RALGAPA2: variants seen among roughly 807,000 people sequenced by gnomAD.
RALGAPA2 encodes ral GTPase-activating protein subunit alpha-2.
Under a neutral mutation model 230.4 loss-of-function variants are expected in RALGAPA2, and 139 were observed. The ratio of observed to expected loss-of-function variants is 0.60; its 90% CI spans 0.53 to 0.69. The LOEUF (loss-of-function observed/expected upper bound fraction) is 0.69. Among genes scored for constraint, RALGAPA2 ranks in the 30% least tolerant of loss-of-function variants. The probability of loss-of-function intolerance (pLI) is 0.00; values close to 1 mark genes in which losing one functional copy is unlikely to be tolerated. For synonymous variants in RALGAPA2, 847 were observed against 837.8 expected (o/e 1.01, Z -0.19); for missense variants, 2,163 against 2,276.0 (o/e 0.95, Z 1.01).
intron 37 of RALGAPA2, among the ~76,000 whole-genome samples, chr20:20,420,129 G>A (rs1338250904): frequency 6.6e-6 from 1 of 152,184 alleles, no homozygotes; most frequent in Non-Finnish European, 1.5e-5. Context: ...CACAGAGAAT[G>A]CCATGAGCGG....
At chr20:20,422,441 C>T (rs956885769) in intron 37 of RALGAPA2, among the ~76,000 whole-genome samples, 11 of 152,044 alleles carry the variant, frequency 7.2e-5, no homozygotes, top group Non-Finnish European at 1.5e-4. Context: ...TCTAATGGCA[C>T]GTGCCTGTGG....
At chr20:20,396,550 T>A in intron 39 of RALGAPA2, 145 bp downstream of exon 39, 1 of 687,442 alleles carries the variant, frequency 1.5e-6, no homozygotes, top group Non-Finnish European at 2.4e-6. Context: ...GGCAGGAGTG[T>A]GGGCAGGGCC....
intron 4 of RALGAPA2, among the ~76,000 whole-genome samples, chr20:20,648,596 C>T (rs1218358513): frequency 6.6e-6 from 1 of 151,474 alleles, no homozygotes; most frequent in Non-Finnish European, 1.5e-5. Context: ...GGTCAAAGAT[C>T]AGGAGAATGG....
chr20:20,611,831 A>T (rs2065984606), intron 13 of RALGAPA2, among the ~76,000 whole-genome samples: 1 of 152,196 alleles, frequency 6.6e-6, no homozygotes, highest in Non-Finnish European at 1.5e-5. Flanking sequence ...TCTCCCTCTC[A>T]TTGCAACAGG....
chr20:20,419,377 T>C (rs1453094303), intron 37 of RALGAPA2, among the ~76,000 whole-genome samples: 3 of 152,198 alleles, frequency 2.0e-5, no homozygotes, highest in Non-Finnish European at 4.4e-5. Context: ...AGTCGAAGGT[T>C]GATATAAAAG....
chr20:20,578,479 T>C (rs376049648), intron 20 of RALGAPA2, among the ~76,000 whole-genome samples: 1 of 152,280 alleles, frequency 6.6e-6, no homozygotes, highest in East Asian at 1.9e-4. Context: ...CTTACAAGCA[T>C]AATTGTATCA....
intron 16 of RALGAPA2, among the ~76,000 whole-genome samples, chr20:20,594,792 G>A (rs1413734391): frequency 4.1e-5 from 6 of 146,906 alleles, no homozygotes; most frequent in African/African-American, 1.5e-4. Flanking sequence ...ACAATGGCGT[G>A]ATCTTGACTC....
chr20:20,535,750 A>G lies in RALGAPA2; in HGVS notation c.3468T>C (p.Tyr1156=). Reference sequence around the variant, plus strand: ...ACCTCTTATTCAACATTTACCTTGCATATTCATTTGGTTCTTCTGTGGCAT... The same window carrying G: ...ACCTCTTATTCAACATTTACCTTGCGTATTCATTTGGTTCTTCTGTGGCAT... The part of the protein sequence containing the change: ...LKNATEEPNE[Y]ARCIAVCSLG... Residue 1156 remains tyrosine (Y), a synonymous_variant, in exon 26 of 40, where the codon TAT becomes TAC. Coordinates refer to ENST00000202677, the MANE Select transcript of RALGAPA2 (RefSeq NM_020343.4). The G allele has an allele frequency of 1.9e-6, 3 of 1,548,754 alleles. No homozygotes were observed. The highest frequency in any genetic ancestry group is 2.6e-6 in the Non-Finnish European group (3 of 1,145,686).
intron 37 of RALGAPA2, among the ~76,000 whole-genome samples, chr20:20,428,639 G>T (rs1223443359): frequency 6.6e-6 from 1 of 152,054 alleles, no homozygotes; most frequent in East Asian, 1.9e-4. Context: ...TCCCAAATGT[G>T]GTGGCCCATC....
At chr20:20,548,919 G>A (rs1046839561) in intron 23 of RALGAPA2, among the ~76,000 whole-genome samples, 1 of 152,186 alleles carries the variant, frequency 6.6e-6, no homozygotes, top group African/African-American at 2.4e-5. Context: ...GCAATGAAAG[G>A]ATTCGTGCAA....
intron 10 of RALGAPA2, among the ~76,000 whole-genome samples, chr20:20,626,087 C>T (rs974685721): frequency 7.9e-5 from 12 of 152,220 alleles, no homozygotes; most frequent in Non-Finnish European, 1.3e-4. Flanking sequence ...CATACACACA[C>T]ACCTTATCTC....
chr20:20,619,161 C>T, intron 12 of RALGAPA2, 116 bp downstream of exon 12: 1 of 1,053,778 alleles, frequency 9.5e-7, no homozygotes, highest in Non-Finnish European at 1.2e-6. Flanking sequence ...CGTTTACTGA[C>T]AGATGGCTAC....
Position 20,620,577 on chromosome 20 carries a change from C to T in RALGAPA2, c.1287G>A (p.Val429=), listed in dbSNP as rs2066288679. 1 of 1,613,772 alleles carries T rather than the reference C, an allele frequency of 6.2e-7. No individual in the cohort carries two copies. The highest frequency in any genetic ancestry group is 1.3e-5 in the African/African-American group (1 of 75,026). ...TGTCCTGGAGAATCCACTTTCTGTA[C>T]ACTTGAACTACTTTTCTTGTTACAG... ...EIAVTRKVVQ[V]YRKWILQDKP... Residue 429 remains valine, a synonymous_variant, in exon 11 of 40, where the codon GTG becomes GTA. Transcript: ENST00000202677.
At position 20,620,602 on chromosome 20, in the gene RALGAPA2, G is replaced by A; in HGVS notation, c.1262C>T (p.Ala421Val). The change falls in exon 11 of 40, where the codon GCT (alanine) becomes GTT (valine). Residue 421 changes from alanine to valine, a missense_variant. By Grantham distance (64) the Ala-to-Val change is moderately conservative. Transcript: ENST00000202677. ...QAFLLPSCEI[A>V]VTRKVVQVYR... is the part of the protein sequence containing the mutation. ...CACTTGAACTACTTTTCTTGTTACA[G>A]CTATCTCACAGGAAGGCAACAAAAA... is the stretch of plus-strand genomic sequence containing the variant. 6.2e-7 allele frequency: 1 copy of A among 1,610,968 alleles called. No homozygotes were observed. Among genetic ancestry groups the A allele is most frequent in the Non-Finnish European group, 8.5e-7 (1 of 1,179,072 alleles).
chr20:20,712,608 C>A lies in RALGAPA2; in HGVS notation c.-128G>T. ...GCCGCCCCCAGCCCCGCTGCTGCCG[C>A]CGCCGCCGCCGCCGCCGCCGCCTCA... On this transcript the variant is annotated 5_prime_UTR_variant, in exon 1 of 40. Coordinates refer to ENST00000202677, the MANE Select transcript of RALGAPA2 (RefSeq NM_020343.4). The surrounding 1 kb of genome is among the most constrained non-coding windows in gnomAD (Gnocchi z 5.5). 1 of 1,180,014 alleles carries A rather than the reference C, an allele frequency of 8.5e-7. No homozygotes were observed. The highest frequency in any genetic ancestry group is 1.1e-6 in the Non-Finnish European group (1 of 948,096). 73.1% of individuals were successfully genotyped at this position (1,180,014 alleles called of 1,614,324 possible).
intron 16 of RALGAPA2, among the ~76,000 whole-genome samples, chr20:20,597,050 T>C (rs1168848663): frequency 3.3e-5 from 5 of 152,176 alleles, no homozygotes; most frequent in African/African-American, 9.7e-5. Context: ...AAATGTAATA[T>C]TGAATGAGAA....
chr20:20,649,073 G>C (rs2067310523), intron 4 of RALGAPA2, among the ~76,000 whole-genome samples: 1 of 152,184 alleles, frequency 6.6e-6, no homozygotes, highest in South Asian at 2.1e-4. Context: ...CCCTGAGAGG[G>C]CATGGAAAAA....
At chr20:20,636,794 T>C (rs1367763133) in intron 8 of RALGAPA2, among the ~76,000 whole-genome samples, 1 of 152,156 alleles carries the variant, frequency 6.6e-6, no homozygotes, top group East Asian at 1.9e-4. Flanking sequence ...GAGTCCTCAT[T>C]GCTTACAGAA....
In RALGAPA2 at chr20:20,417,425, G is replaced by T. The variant is rs1207930912; in HGVS notation, c.5496-5277C>A. 2.0e-5 allele frequency among the ~76,000 whole-genome samples: 3 copies of T among 152,270 alleles called. 1 individual carries two copies. In the South Asian group the frequency reaches 6.2e-4, roughly 32 times the overall value. ...CCAGGTGGCTGTCTGCATTCACGGG[G>T]CTGCATGACTCTCCTCTTTGCTTCC... On this transcript the variant is annotated intron_variant, in intron 37 of 39. Transcript: ENST00000202677.
Sources: allele counts gnomAD v4.1 joint callset (sites outside exome capture counted in the v4.1 genomes callset), GRCh38; gene constraint gnomAD v4.1.1; non-coding constraint Gnocchi (gnomAD v3.1); transcripts MANE v1.5; gene names NCBI Gene and HGNC (gene_info 2026-07-23, HGNC 2026-07-21).